NKAIN2: variants seen among roughly 807,000 people sequenced by gnomAD.
NKAIN2 encodes the protein sodium/potassium transporting ATPase interacting 2, also known as sodium/potassium-transporting ATPase subunit beta-1-interacting protein 2.
A neutral mutation model predicts 32.6 loss-of-function variants in NKAIN2; 14 were observed. The observed-to-expected ratio is 0.43, with a 90% CI of 0.28 to 0.67. The LOEUF is 0.67. Among genes scored for constraint, NKAIN2 ranks in the 30% least tolerant of loss-of-function variants. The probability of loss-of-function intolerance (pLI) is 0.17; values close to 1 mark genes in which losing one functional copy is unlikely to be tolerated. For missense variants in NKAIN2, 198 were observed against 258.3 expected (o/e 0.77, Z 1.60); for synonymous variants, 80 against 87.2 (o/e 0.92, Z 0.46).
chr6:124,692,756 C>T (rs776525146), intron 4 of NKAIN2, among the ~76,000 whole-genome samples: 1 of 151,654 alleles, frequency 6.6e-6, no homozygotes, highest in Admixed American at 6.6e-5. Context: ...GCGGAGGTTG[C>T]AGTGAGCCGA....
intron 3 of NKAIN2, among the ~76,000 whole-genome samples, chr6:124,559,145 G>T (rs931744031): frequency 2.6e-5 from 4 of 152,148 alleles, no homozygotes; most frequent in Admixed American, 6.5e-5. Context: ...TTATTGGACT[G>T]ATATGAATCT....
chr6:124,067,728 C>T (rs903455346), intron 1 of NKAIN2, among the ~76,000 whole-genome samples: 3 of 152,246 alleles, frequency 2.0e-5, no homozygotes, highest in Admixed American at 6.5e-5. Context: ...CTTCATTCTG[C>T]TACTGACTAG....
At chr6:123,818,331 C>G (rs1330226180) in intron 1 of NKAIN2, among the ~76,000 whole-genome samples, 1 of 147,314 alleles carries the variant, frequency 6.8e-6, no homozygotes, top group East Asian at 2.0e-4. Context: ...TAGACTCTAA[C>G]AAATTTTCAG....
intron 1 of NKAIN2, among the ~76,000 whole-genome samples, chr6:124,239,229 C>A (rs565474077): frequency 6.6e-6 from 1 of 152,232 alleles, no homozygotes; most frequent in African/African-American, 2.4e-5. Context: ...GCACCCAATA[C>A]AGGAGCAACC....
At chr6:124,127,903 T>G (rs547532429) in intron 1 of NKAIN2, among the ~76,000 whole-genome samples, 11 of 152,246 alleles carry the variant, frequency 7.2e-5, no homozygotes, top group African/African-American at 2.6e-4. Flanking sequence ...CTTGGCTCAC[T>G]GCACCCTCCG....
chr6:124,155,947 G>A (rs1787964838), intron 1 of NKAIN2, among the ~76,000 whole-genome samples: 1 of 150,800 alleles, frequency 6.6e-6, no homozygotes, highest in African/African-American at 2.4e-5. Context: ...TGCAAATGCT[G>A]GGAAGACAGA....
chr6:124,688,201 A>G (rs573010571), intron 4 of NKAIN2, among the ~76,000 whole-genome samples: 2 of 152,136 alleles, frequency 1.3e-5, no homozygotes, highest in African/African-American at 4.8e-5. Context: ...CCGTTACCAC[A>G]TTCAGTGCTT....
At chr6:124,186,575 A>G (rs1789753104) in intron 1 of NKAIN2, among the ~76,000 whole-genome samples, 1 of 152,206 alleles carries the variant, frequency 6.6e-6, no homozygotes, top group Non-Finnish European at 1.5e-5. Flanking sequence ...CAGGTTTATG[A>G]CAGTCCTTGC....
At chr6:124,301,725 T>C (rs1386057994) in intron 2 of NKAIN2, among the ~76,000 whole-genome samples, 1 of 152,212 alleles carries the variant, frequency 6.6e-6, no homozygotes, top group East Asian at 1.9e-4. Context: ...GATTTCAGAC[T>C]TGCATGGGGC....
At chr6:124,781,210 T>C (rs1221065911) in intron 4 of NKAIN2, among the ~76,000 whole-genome samples, 1 of 152,162 alleles carries the variant, frequency 6.6e-6, no homozygotes, top group Non-Finnish European at 1.5e-5. Context: ...ATGAGAAGCA[T>C]AGGATTTAGG....
At chr6:124,422,109 A>G (rs1774781525) in intron 3 of NKAIN2, among the ~76,000 whole-genome samples, 1 of 152,112 alleles carries the variant, frequency 6.6e-6, no homozygotes, top group Non-Finnish European at 1.5e-5. Context: ...GAGAGGTATT[A>G]AATAGTTTAT....
chr6:124,699,098 T>C (rs947669074), intron 4 of NKAIN2, among the ~76,000 whole-genome samples: 21 of 152,186 alleles, frequency 1.4e-4, no homozygotes, highest in Non-Finnish European at 3.1e-4. Context: ...CTTAGTGGCT[T>C]AAAGCAATAA....
At chr6:123,849,035 C>T (rs9482474) in intron 1 of NKAIN2, among the ~76,000 whole-genome samples, 6,934 of 152,184 alleles carry the variant, frequency 0.046, 522 homozygotes, top group African/African-American at 0.16. Context: ...AAGCTATAAG[C>T]CCATTATCTT....
chr6:124,252,218 T>C (rs1447409581), intron 1 of NKAIN2, among the ~76,000 whole-genome samples: 1 of 152,028 alleles, frequency 6.6e-6, no homozygotes, highest in Admixed American at 6.6e-5. Flanking sequence ...ATAAATGCCA[T>C]ATGCATCATT....
At chr6:124,592,904 C>T (rs565761916) in intron 3 of NKAIN2, among the ~76,000 whole-genome samples, 58 of 152,246 alleles carry the variant, frequency 3.8e-4, no homozygotes, top group East Asian at 7.7e-4. Context: ...TTGAACTTCA[C>T]GCTAGCTGTT....
At chr6:124,729,010 A>T (rs1279718992) in intron 4 of NKAIN2, among the ~76,000 whole-genome samples, 1 of 150,134 alleles carries the variant, frequency 6.7e-6, no homozygotes, top group East Asian at 2.0e-4. Context: ...TAAACCAGGA[A>T]GAAGTTGAAT....
chr6:124,550,592 G>T (rs1433118625), intron 3 of NKAIN2, among the ~76,000 whole-genome samples: 1 of 152,100 alleles, frequency 6.6e-6, no homozygotes, highest in Non-Finnish European at 1.5e-5. Context: ...CCAGCCACAG[G>T]GGTTGACTTT....
intron 1 of NKAIN2, among the ~76,000 whole-genome samples, chr6:123,900,531 A>ATTTTTT (rs1774515956): frequency 4.2e-5 from 1 of 23,850 alleles, no homozygotes; most frequent in Non-Finnish European, 1.4e-4. Flanking sequence ...TCTCCAGATT[A>ATTTTTT]GTTTTTTTTT....
chr6:124,348,643 C>T (rs112555686), intron 2 of NKAIN2, among the ~76,000 whole-genome samples: 6 of 152,220 alleles, frequency 3.9e-5, no homozygotes, highest in Non-Finnish European at 8.8e-5. Context: ...GGAACAGCTC[C>T]GGTCTACAGC....
Sources: allele counts gnomAD v4.1 joint callset (sites outside exome capture counted in the v4.1 genomes callset), GRCh38; gene constraint gnomAD v4.1.1; transcripts MANE v1.5; gene names NCBI Gene and HGNC (gene_info 2026-07-23, HGNC 2026-07-21).